The following INTS8 variants were observed in gnomAD, a reference collection of about 807,000 sequenced individuals.
The protein encoded by INTS8 is protein kaonashi-1.
INTS8 carries 47 observed loss-of-function variants against 138.9 expected under a neutral mutation model. The observed-to-expected ratio is 0.34, with a 90% CI of 0.27 to 0.43. The LOEUF (loss-of-function observed/expected upper bound fraction) is 0.43. Among genes scored for constraint, INTS8 ranks in the 20% least tolerant of loss-of-function variants. The probability of loss-of-function intolerance (pLI) is 1.00; values close to 1 mark genes in which losing one functional copy is unlikely to be tolerated. For synonymous variants in INTS8, 392 were observed against 400.9 expected (o/e 0.98, Z 0.27); for missense variants, 996 against 1,173.0 (o/e 0.85, Z 2.20).
chr8:94,876,536 T>A, intron 26 of INTS8, 47 bp downstream of exon 26: 1 of 1,223,844 alleles, frequency 8.2e-7, no homozygotes, highest in Non-Finnish European at 1.2e-6. Context: ...TCCAGAATAT[T>A]AAACAATTGT....
chr8:94,866,031 T>C (rs1027482716), intron 17 of INTS8, 127 bp from the exon 18 acceptor site: 9 of 566,132 alleles, frequency 1.6e-5, no homozygotes, highest in African/African-American at 1.5e-4. Context: ...AACAGTAGAA[T>C]ATTACATTCC....
At chr8:94,853,210 G>A (rs542709728) in intron 13 of INTS8, among the ~76,000 whole-genome samples, 2 of 152,218 alleles carry the variant, frequency 1.3e-5, no homozygotes, top group South Asian at 4.1e-4. Context: ...TACTTGAGAG[G>A]CCGAGGCAGG....
At position 94,841,560 on chromosome 8, in the gene INTS8, C is replaced by A; in HGVS notation, c.1087C>A (p.Leu363Ile). 1 of 1,602,128 alleles carries A rather than the reference C, an allele frequency of 6.2e-7. No individual in the cohort carries two copies. The highest frequency in any genetic ancestry group is 8.5e-7 in the Non-Finnish European group (1 of 1,173,552). The change falls in exon 9 of 27, where the codon CTA becomes ATA. Residue 363 changes from leucine to isoleucine, a missense_variant. Physicochemically the swap from Leu to Ile is conservative, Grantham distance 5. Transcript: ENST00000523731. ...SLPVQFRQSV[L>I]RELFKKAQQG... ...ACCTGTCCAGTTCCGACAGTCAGTC[C>A]TAAGAGAACTCTTTAAGAAAGCTCA... is the stretch of plus-strand genomic sequence containing the variant.
chr8:94,844,035 T>TA (rs1815238306), intron 10 of INTS8, among the ~76,000 whole-genome samples: 1 of 150,954 alleles, frequency 6.6e-6, no homozygotes, highest in Non-Finnish European at 1.5e-5. Context: ...GCTTTTTTTT[T>TA]TTTATTTTTT....
intron 18 of INTS8, 94 bp from the exon 19 acceptor site, chr8:94,867,046 C>G: frequency 1.0e-6 from 1 of 963,718 alleles, no homozygotes; most frequent in Non-Finnish European, 1.6e-6. Context: ...AGGCAAGGGT[C>G]TTTTAGAATG....
chr8:94,867,520 C>A (rs1270731044), intron 20 of INTS8, 183 bp downstream of exon 20: 3 of 475,670 alleles, frequency 6.3e-6, no homozygotes, highest in Non-Finnish European at 1.1e-5. Flanking sequence ...AAGGCATAAC[C>A]CTTTTTTTTT....
At chr8:94,867,493 T>C in intron 20 of INTS8, 156 bp downstream of exon 20, 1 of 592,938 alleles carries the variant, frequency 1.7e-6, no homozygotes, top group Non-Finnish European at 2.9e-6. Flanking sequence ...ATAATTATCT[T>C]CCTGTAAATT....
At chr8:94,839,648 G>A (rs564373976) in intron 8 of INTS8, among the ~76,000 whole-genome samples, 151 of 152,270 alleles carry the variant, frequency 9.9e-4, no homozygotes, top group Middle Eastern at 3.4e-3. Context: ...ACCGACACAG[G>A]TGAATTTAAT....
chr8:94,880,681 A>C lies in INTS8; in HGVS notation c.*447A>C, dbSNP rs1816773992. The C allele has an allele frequency of 7.6e-6, 3 of 394,406 alleles. No homozygotes were observed. The highest frequency in any genetic ancestry group is 1.3e-5 in the Non-Finnish European group (3 of 223,952). 24.4% of individuals were successfully genotyped at this position (394,406 alleles called of 1,614,324 possible). Reference sequence around the variant, plus strand: ...AAGTGTTAAGCTTTATCACTTTGACACTGTCCTTATCTCACAATGGAGGAA... The same window carrying C: ...AAGTGTTAAGCTTTATCACTTTGACCCTGTCCTTATCTCACAATGGAGGAA... On this transcript the variant is annotated 3_prime_UTR_variant, in exon 27 of 27. Transcript: ENST00000523731.
chr8:94,836,468 C>A, intron 6 of INTS8, 56 bp from the exon 7 acceptor site: 2 of 1,345,394 alleles, frequency 1.5e-6, no homozygotes, highest in South Asian at 2.5e-5. Context: ...TTGGTTCTGT[C>A]ACCTCTTAAG....
chr8:94,865,169 G>A (rs1209744280), intron 16 of INTS8, among the ~76,000 whole-genome samples: 1 of 151,620 alleles, frequency 6.6e-6, no homozygotes, highest in African/African-American at 2.4e-5. Flanking sequence ...CCTATGTAAC[G>A]TGGGATCATA....
At chr8:94,861,325 G>A (rs767933772) in intron 16 of INTS8, among the ~76,000 whole-genome samples, 15 of 123,780 alleles carry the variant, frequency 1.2e-4, no homozygotes, top group Admixed American at 4.8e-4. Flanking sequence ...GCAGTGGCGC[G>A]ATCTCGGCTC....
At chr8:94,829,500 A>T (rs1051236521) in intron 5 of INTS8, among the ~76,000 whole-genome samples, 1 of 152,292 alleles carries the variant, frequency 6.6e-6, no homozygotes, top group Non-Finnish European at 1.5e-5. Context: ...GATGGGGAGC[A>T]GCTGTAAATA....
In INTS8 at chr8:94,823,407, T is replaced by G. The variant is rs1487527422; in HGVS notation, c.-25T>G. ...TCAGGTTGGAGCCGGGAAGCGGCCC[T>G]GGTGGTAGCGGCGGCGGGGGCAGGA... is the stretch of plus-strand genomic sequence containing the variant. On this transcript the variant is annotated 5_prime_UTR_variant, in exon 1 of 27. Coordinates refer to ENST00000523731, the MANE Select transcript of INTS8 (RefSeq NM_017864.4). The G allele has an allele frequency of 3.3e-6, 5 of 1,519,280 alleles. No individual in the cohort carries two copies. Among genetic ancestry groups the G allele is most frequent in the Non-Finnish European group, 4.4e-6 (5 of 1,135,422 alleles). 94.1% of individuals were successfully genotyped at this position (1,519,280 alleles called of 1,614,324 possible).
At chr8:94,847,768 A>G (rs1021490571) in intron 10 of INTS8, among the ~76,000 whole-genome samples, 1 of 152,152 alleles carries the variant, frequency 6.6e-6, no homozygotes, top group Non-Finnish European at 1.5e-5. Flanking sequence ...TAGAAGTTAC[A>G]TGTTCCCTAC....
chr8:94,839,358 T>C (rs780809187), intron 8 of INTS8, among the ~76,000 whole-genome samples: 1 of 152,210 alleles, frequency 6.6e-6, no homozygotes, highest in Non-Finnish European at 1.5e-5. Flanking sequence ...GCTTTTAAAG[T>C]CTTTATTGGA....
chr8:94,837,789 A>C (rs1814982073), intron 7 of INTS8, among the ~76,000 whole-genome samples: 1 of 152,132 alleles, frequency 6.6e-6, no homozygotes, highest in Non-Finnish European at 1.5e-5. Flanking sequence ...AAGCTTCAGC[A>C]AACTTTCTTT....
At chr8:94,852,470 C>T (rs1362730360) in intron 13 of INTS8, among the ~76,000 whole-genome samples, 5 of 151,952 alleles carry the variant, frequency 3.3e-5, no homozygotes, top group Non-Finnish European at 7.4e-5. Flanking sequence ...CTTAGAGATA[C>T]AAGGGAAGTA....
chr8:94,834,562 G>A (rs1309933813), intron 6 of INTS8, among the ~76,000 whole-genome samples: 7 of 152,176 alleles, frequency 4.6e-5, no homozygotes, highest in Non-Finnish European at 1.5e-5. Context: ...ACAAAAATTA[G>A]GCGTTGTGGC....
Sources: allele counts gnomAD v4.1 joint callset (sites outside exome capture counted in the v4.1 genomes callset), GRCh38; gene constraint gnomAD v4.1.1; transcripts MANE v1.5; gene names NCBI Gene and HGNC (gene_info 2026-07-23, HGNC 2026-07-21).